SGCZ: variants seen among roughly 807,000 people sequenced by gnomAD.
The protein encoded by SGCZ is zeta-sarcoglycan.
Under a neutral mutation model 41.3 loss-of-function variants are expected in SGCZ, and 40 were observed. The observed-to-expected ratio is 0.97, with a 90% CI of 0.75 to 1.26. The LOEUF (loss-of-function observed/expected upper bound fraction) is 1.26, where lower values mean the gene tolerates loss of function less well. Among genes scored for constraint, SGCZ ranks in the 50% most tolerant of loss-of-function variants. SGCZ has a pLI of 0.00. For missense variants in SGCZ, 552 were observed against 369.8 expected (o/e 1.49, Z -4.04); for synonymous variants, 206 against 137.5 (o/e 1.50, Z -3.49).
chr8:14,375,696 A>G (rs990979501), intron 2 of SGCZ, among the ~76,000 whole-genome samples: 5 of 152,190 alleles, frequency 3.3e-5, no homozygotes, highest in African/African-American at 1.2e-4. Context: ...CTCATACCCA[A>G]ACATATGGGA....
intron 1 of SGCZ, among the ~76,000 whole-genome samples, chr8:14,855,169 T>TGACTCGCTCAAGCG (rs1803498596): frequency 6.6e-6 from 1 of 151,946 alleles, no homozygotes; most frequent in African/African-American, 2.4e-5. Flanking sequence ...TCTCATGCCT[T>TGACTCGCTCAAGCG]AGTCTCCTGA....
chr8:15,093,098 G>C (rs532833329), intron 1 of SGCZ, among the ~76,000 whole-genome samples: 1 of 152,190 alleles, frequency 6.6e-6, no homozygotes, highest in Admixed American at 6.5e-5. Context: ...CTCCTCCTTA[G>C]TAGTCCATCA....
rs72496763 is a variant in SGCZ, at chr8:15,196,622, T to TTTTA, written c.39+40959_39+40962dup. The stretch of plus-strand genomic sequence containing the variant: ...TAGTGACTACAAACAGTAAAATTTC[T>TTTTA]TTTATTTATTTATTTATTTATTATT... On this transcript the variant is annotated intron_variant, in intron 1 of 7. Transcript: ENST00000382080. Among the ~76,000 whole-genome samples, 36 of 151,370 alleles carry TTTTA rather than the reference T, an allele frequency of 2.4e-4. No homozygotes were observed. In the South Asian group the frequency reaches 5.4e-3, roughly 23 times the overall value.
chr8:14,467,829 C>T (rs932541687), intron 2 of SGCZ, among the ~76,000 whole-genome samples: 1 of 152,042 alleles, frequency 6.6e-6, no homozygotes, highest in Admixed American at 6.6e-5. Context: ...ATGAAAATGA[C>T]ATCTTCTTAA....
intron 1 of SGCZ, 90 bp from the exon 2 acceptor site, chr8:14,555,016 C>G: frequency 8.5e-7 from 1 of 1,176,644 alleles, no homozygotes; most frequent in Non-Finnish European, 1.2e-6. Context: ...AACAAAAGAA[C>G]AATGTACGTT....
chr8:15,025,759 G>T (rs1023890293), intron 1 of SGCZ, among the ~76,000 whole-genome samples: 8 of 152,176 alleles, frequency 5.3e-5, no homozygotes, highest in African/African-American at 1.7e-4. Flanking sequence ...TTGGAAATTA[G>T]TGAGAAAAGT....
At chr8:14,601,270 A>C (rs984784086) in intron 1 of SGCZ, among the ~76,000 whole-genome samples, 2 of 151,938 alleles carry the variant, frequency 1.3e-5, no homozygotes, top group African/African-American at 2.4e-5. Flanking sequence ...GCTTGTTTTT[A>C]TTTCTTTCCT....
At chr8:14,878,179 C>CTTATTTTT (rs1238926102) in intron 1 of SGCZ, among the ~76,000 whole-genome samples, 2 of 150,646 alleles carry the variant, frequency 1.3e-5, no homozygotes, top group Non-Finnish European at 3.0e-5. Flanking sequence ...TCAAGGCAGT[C>CTTATTTTT]TTCTTTTTTT....
At chr8:14,195,709 A>T (rs569903727) in intron 4 of SGCZ, among the ~76,000 whole-genome samples, 50 of 152,160 alleles carry the variant, frequency 3.3e-4, no homozygotes, top group Non-Finnish European at 6.8e-4. Flanking sequence ...GCAGCTGATT[A>T]ATACTGGAAA....
At chr8:14,311,138 G>A (rs142794355) in intron 3 of SGCZ, among the ~76,000 whole-genome samples, 1,667 of 152,074 alleles carry the variant, frequency 0.011, 13 homozygotes, top group Non-Finnish European at 0.017. Context: ...CTCATAGCCC[G>A]ATTCAAATTT....
chr8:14,116,351 A>C (rs1802522092), intron 5 of SGCZ, among the ~76,000 whole-genome samples: 1 of 152,060 alleles, frequency 6.6e-6, no homozygotes, highest in Admixed American at 6.6e-5. Flanking sequence ...TTTCCTTCTT[A>C]CCTCAAGATA....
At chr8:14,289,167 G>T (rs1050275041) in intron 3 of SGCZ, among the ~76,000 whole-genome samples, 6 of 150,412 alleles carry the variant, frequency 4.0e-5, no homozygotes, top group African/African-American at 1.5e-4. Context: ...TATTTTGGAT[G>T]TTAGAGTTTT....
chr8:14,556,725 T>C (rs974950275), intron 1 of SGCZ, among the ~76,000 whole-genome samples: 1 of 152,054 alleles, frequency 6.6e-6, no homozygotes, highest in South Asian at 2.1e-4. Flanking sequence ...TTACTTCACT[T>C]AGAATAATAG....
At chr8:14,171,349 A>G (rs1396203718) in intron 4 of SGCZ, among the ~76,000 whole-genome samples, 1 of 152,042 alleles carries the variant, frequency 6.6e-6, no homozygotes, top group Non-Finnish European at 1.5e-5. Context: ...GTTGCACTTT[A>G]AACACAATTA....
chr8:14,725,636 T>C (rs1345518837), intron 1 of SGCZ, among the ~76,000 whole-genome samples: 2 of 152,178 alleles, frequency 1.3e-5, no homozygotes, highest in Non-Finnish European at 2.9e-5. Flanking sequence ...TGAACATTTT[T>C]TAAAAATCAC....
chr8:15,061,417 G>A (rs995051128), intron 1 of SGCZ, among the ~76,000 whole-genome samples: 3 of 151,386 alleles, frequency 2.0e-5, no homozygotes, highest in Non-Finnish European at 2.9e-5. Context: ...AGCACTAGGA[G>A]AAATACCTAA....
intron 1 of SGCZ, among the ~76,000 whole-genome samples, chr8:14,840,013 A>G (rs866954277): frequency 6.6e-6 from 1 of 152,012 alleles, no homozygotes; most frequent in Non-Finnish European, 1.5e-5. Flanking sequence ...TTTTTACACC[A>G]CTTTACACTA....
At chr8:14,180,239 G>C (rs535903841) in intron 4 of SGCZ, among the ~76,000 whole-genome samples, 1 of 152,146 alleles carries the variant, frequency 6.6e-6, no homozygotes, top group South Asian at 2.1e-4. Flanking sequence ...TCCTAGCCAA[G>C]CCCACCTCCA....
intron 2 of SGCZ, among the ~76,000 whole-genome samples, chr8:14,535,545 C>T (rs928836942): frequency 4.6e-5 from 7 of 151,856 alleles, no homozygotes; most frequent in African/African-American, 1.7e-4. Flanking sequence ...CAAAATACAA[C>T]TTAAATGTGT....
Sources: allele counts gnomAD v4.1 joint callset (sites outside exome capture counted in the v4.1 genomes callset), GRCh38; gene constraint gnomAD v4.1.1; transcripts MANE v1.5; gene names NCBI Gene and HGNC (gene_info 2026-07-23, HGNC 2026-07-21).